CRKL: variants seen among roughly 807,000 people sequenced by gnomAD.
The protein encoded by CRKL is crk-like protein.
Under a neutral mutation model 23.0 loss-of-function variants are expected in CRKL, and 3 were observed. That is an observed-to-expected ratio of 0.13 (90% confidence interval 0.06 to 0.34). CRKL has a LOEUF of 0.34. CRKL is among the 10% of genes least tolerant of loss of function. CRKL has a pLI of 1.00. For missense variants in CRKL, 256 were observed against 394.5 expected (o/e 0.65, Z 2.97); for synonymous variants, 188 against 160.7 (o/e 1.17, Z -1.28).
chr22:20,950,176 G>C lies in CRKL; in HGVS notation c.*331G>C. On this transcript the variant is annotated 3_prime_UTR_variant, in exon 3 of 3. Transcript: ENST00000354336. Reference sequence around the variant, plus strand: ...GTTTGTACATGGGACTGATTCTGTTGTGTTCACCAGAGAAAGCTTGAGGCC... The same window carrying C: ...GTTTGTACATGGGACTGATTCTGTTCTGTTCACCAGAGAAAGCTTGAGGCC... 3.5e-6 allele frequency: 1 copy of C among 289,768 alleles called. No individual in the cohort carries two copies. Among genetic ancestry groups the C allele is most frequent in the Non-Finnish European group, 6.4e-6 (1 of 156,882 alleles). The allele number at this position is 289,768 out of a possible 1,614,324, so 17.9% of individuals were successfully genotyped here. A position where few individuals can be genotyped will look rare whatever the true frequency, so the allele number is the denominator to read the frequency against.
At chr22:20,942,133 T>C (rs564019036) in intron 2 of CRKL, among the ~76,000 whole-genome samples, 1 of 152,336 alleles carries the variant, frequency 6.6e-6, no homozygotes, top group South Asian at 2.1e-4. Flanking sequence ...TGTCTATGAA[T>C]TTACCTATTC....
At chr22:20,927,338 C>T (rs747564286) in intron 1 of CRKL, among the ~76,000 whole-genome samples, 1 of 147,990 alleles carries the variant, frequency 6.8e-6, no homozygotes, top group African/African-American at 2.5e-5. Context: ...TTACAGGCGC[C>T]CACCACCATG....
intron 1 of CRKL, among the ~76,000 whole-genome samples, chr22:20,921,341 AT>A (rs570402833): frequency 1.4e-3 from 213 of 152,300 alleles, no homozygotes; most frequent in African/African-American, 4.8e-3. Context: ...ATGCTTCATA[AT>A]TTTTAATTTT....
rs577414383 is a variant in CRKL, at chr22:20,952,285, C to T, written c.*2440C>T. ...TTTCAGCCCTGTCTACTGACCAATA[C>T]CCCGACTCACCTTGTGTGGCGCACT... On this transcript the variant is annotated 3_prime_UTR_variant, in exon 3 of 3. Coordinates refer to ENST00000354336, the MANE Select transcript of CRKL (RefSeq NM_005207.4). The T allele has an allele frequency of 3.4e-4, 79 of 230,094 alleles. 4 individuals are homozygous for T. In the South Asian group the frequency reaches 0.014, roughly 40 times the overall value. 14.3% of individuals were successfully genotyped at this position (230,094 alleles called of 1,614,324 possible).
intron 1 of CRKL, among the ~76,000 whole-genome samples, chr22:20,919,644 T>G (rs183620248): frequency 6.2e-4 from 94 of 152,316 alleles, no homozygotes; most frequent in African/African-American, 2.2e-3. Flanking sequence ...AAAAGTTGCC[T>G]AGAATTTTTA....
intron 1 of CRKL, among the ~76,000 whole-genome samples, chr22:20,920,601 G>T (rs759831249): frequency 4.6e-5 from 7 of 152,014 alleles, no homozygotes; most frequent in African/African-American, 7.2e-5. Flanking sequence ...CAGATTTTCC[G>T]TACATGCATG....
intron 2 of CRKL, among the ~76,000 whole-genome samples, chr22:20,939,998 C>T (rs949041406): frequency 1.3e-4 from 19 of 151,978 alleles, no homozygotes; most frequent in African/African-American, 4.6e-4. Context: ...CCATGTTGGC[C>T]AGGCTGGTCT....
intron 1 of CRKL, 22 bp from the exon 2 acceptor site, chr22:20,933,757 G>A (rs776944535): frequency 4.4e-6 from 7 of 1,575,350 alleles, no homozygotes; most frequent in Non-Finnish European, 6.0e-6. Context: ...TTCTCTTAGA[G>A]TAATTTTCTT....
intron 1 of CRKL, among the ~76,000 whole-genome samples, chr22:20,926,985 G>A (rs918139731): frequency 3.3e-5 from 5 of 151,274 alleles, no homozygotes; most frequent in South Asian, 2.1e-4. Flanking sequence ...GGTGGCGTGC[G>A]CCTATAGTCC....
intron 1 of CRKL, among the ~76,000 whole-genome samples, chr22:20,927,061 A>G (rs555499439): frequency 4.9e-4 from 65 of 133,368 alleles, no homozygotes; most frequent in Admixed American, 2.8e-3. Context: ...GCAGTGAGCC[A>G]AGATCGCACC....
chr22:20,951,481 G>A lies in CRKL; in HGVS notation c.*1636G>A, dbSNP rs1307242989. 2.2e-5 allele frequency: 5 copies of A among 228,396 alleles called. No homozygotes were observed. The highest frequency in any genetic ancestry group is 4.3e-5 in the Non-Finnish European group (5 of 115,140). 14.1% of individuals were successfully genotyped at this position (228,396 alleles called of 1,614,324 possible). On this transcript the variant is annotated 3_prime_UTR_variant, in exon 3 of 3. Coordinates refer to ENST00000354336, the MANE Select transcript of CRKL (RefSeq NM_005207.4). ...TATACGTGTGGTTCATCCATCATCT[G>A]CTGCACATAGCAGACTAGAATTCTG...
At chr22:20,930,910 C>T (rs1921426381) in intron 1 of CRKL, among the ~76,000 whole-genome samples, 1 of 151,026 alleles carries the variant, frequency 6.6e-6, no homozygotes, top group Non-Finnish European at 1.5e-5. Flanking sequence ...TCTCAATCTC[C>T]TGACCTTGTG....
chr22:20,933,754 A>C, intron 1 of CRKL, 25 bp from the exon 2 acceptor site: 1 of 1,567,420 alleles, frequency 6.4e-7, no homozygotes, highest in Non-Finnish European at 8.7e-7. Context: ...TTTTTCTCTT[A>C]GAGTAATTTT....
intron 1 of CRKL, among the ~76,000 whole-genome samples, chr22:20,931,801 AT>A (rs1921462430): frequency 6.6e-6 from 1 of 151,808 alleles, no homozygotes; most frequent in African/African-American, 2.4e-5. Context: ...ATTTATTTTT[AT>A]TTTTATTTTA....
chr22:20,917,806 C>A lies in CRKL; in HGVS notation c.-129C>A. The A allele has an allele frequency of 1.1e-6, 1 of 886,284 alleles. No individual in the cohort carries two copies. Among genetic ancestry groups the A allele is most frequent in the Non-Finnish European group, 1.7e-6 (1 of 593,144 alleles). The allele number at this position is 886,284 out of a possible 1,614,324, so 54.9% of individuals were successfully genotyped here. On this transcript the variant is annotated 5_prime_UTR_variant, in exon 1 of 3. Coordinates refer to ENST00000354336, the MANE Select transcript of CRKL (RefSeq NM_005207.4). ...GCCGAGAGGAAAGTGCTGGCCCAGC[C>A]CTCTGAGCGCTCCTCGAGGTGTGCG... is the stretch of plus-strand genomic sequence containing the variant.
intron 2 of CRKL, among the ~76,000 whole-genome samples, chr22:20,945,978 G>A (rs1569138154): frequency 6.6e-6 from 1 of 152,222 alleles, no homozygotes; most frequent in Non-Finnish European, 1.5e-5. Context: ...TGAGAATCCA[G>A]TGAAAGTTGT....
chr22:20,918,162 G>A lies in CRKL; in HGVS notation c.228G>A (p.Gln76=), dbSNP rs1463918076. 6.2e-7 allele frequency: 1 copy of A among 1,614,158 alleles called. No homozygotes were observed. Among genetic ancestry groups the A allele is most frequent in the Non-Finnish European group, 8.5e-7 (1 of 1,180,038 alleles). The change falls in exon 1 of 3, where the codon CAG becomes CAA. Residue 76 remains glutamine (Q), a synonymous_variant. Coordinates refer to ENST00000354336, the MANE Select transcript of CRKL (RefSeq NM_005207.4). Reference sequence around the variant, plus strand: ...ACCGCCGTTTTAAGATCGGGGACCAGGAATTTGACCATTTGCCGGCCCTGC... The same window carrying A: ...ACCGCCGTTTTAAGATCGGGGACCAAGAATTTGACCATTTGCCGGCCCTGC... The part of the protein sequence containing the change: ...LPNRRFKIGD[Q]EFDHLPALLE...
chr22:20,941,023 G>A (rs1921851535), intron 2 of CRKL, among the ~76,000 whole-genome samples: 1 of 152,022 alleles, frequency 6.6e-6, no homozygotes, highest in South Asian at 2.1e-4. Flanking sequence ...AGTTCCTCCT[G>A]CTGGGTGGCC....
chr22:20,947,444 T>G lies in CRKL; in HGVS notation c.778-2267T>G, dbSNP rs184838397. 2.9e-3 allele frequency among the ~76,000 whole-genome samples: 442 copies of G among 152,020 alleles called. 1 individual carries two copies. Among genetic ancestry groups the G allele is most frequent in the Non-Finnish European group, 4.7e-3 (317 of 67,960 alleles). On this transcript the variant is annotated intron_variant, in intron 2 of 2. Transcript: ENST00000354336. Reference sequence around the variant, plus strand: ...ACCTCCCAGGTTCAAGTGATTCTCCTGCGTCAGCCTCCCGAGTAGTTGGAA... The same window carrying G: ...ACCTCCCAGGTTCAAGTGATTCTCCGGCGTCAGCCTCCCGAGTAGTTGGAA...
Sources: allele counts gnomAD v4.1 joint callset (sites outside exome capture counted in the v4.1 genomes callset), GRCh38; gene constraint gnomAD v4.1.1; transcripts MANE v1.5; gene names NCBI Gene and HGNC (gene_info 2026-07-23, HGNC 2026-07-21).